The following SNTG1 variants were observed in gnomAD, a reference collection of about 807,000 sequenced individuals.
SNTG1 encodes syntrophin gamma 1, also known as gamma-1-syntrophin.
Under a neutral mutation model 74.7 loss-of-function variants are expected in SNTG1, and 39 were observed. The observed-to-expected ratio is 0.52, with a 90% CI of 0.40 to 0.68. SNTG1 has a LOEUF of 0.68. Ranked by LOEUF, SNTG1 falls within the 30% of genes least tolerant of loss-of-function variation. SNTG1 has a pLI of 0.00. For synonymous variants in SNTG1, 254 were observed against 217.1 expected (o/e 1.17, Z -1.49); for missense variants, 685 against 609.5 (o/e 1.12, Z -1.30).
chr8:50,287,559 A>T (rs1158369368), intron 2 of SNTG1, among the ~76,000 whole-genome samples: 1 of 152,118 alleles, frequency 6.6e-6, no homozygotes, highest in Non-Finnish European at 1.5e-5. Context: ...TGATGCCCAA[A>T]TCCTTTAGCA....
At chr8:50,646,494 G>A (rs563183493) in intron 13 of SNTG1, among the ~76,000 whole-genome samples, 10 of 152,170 alleles carry the variant, frequency 6.6e-5, no homozygotes, top group Non-Finnish European at 1.3e-4. Flanking sequence ...ATAAATTTGT[G>A]GGTTTGTTTT....
chr8:50,660,395 A>AAG (rs2095214312), intron 15 of SNTG1, among the ~76,000 whole-genome samples: 2 of 62,110 alleles, frequency 3.2e-5, no homozygotes, highest in South Asian at 5.8e-4. Context: ...GGAAGGAAGA[A>AAG]AAAGAGAAAG....
chr8:50,544,287 C>G (rs564461580), intron 11 of SNTG1, among the ~76,000 whole-genome samples: 16 of 151,768 alleles, frequency 1.1e-4, no homozygotes, highest in African/African-American at 3.9e-4. Flanking sequence ...CTTTAAGACC[C>G]CTTAATTCCT....
intron 2 of SNTG1, among the ~76,000 whole-genome samples, chr8:50,332,448 T>A (rs558820585): frequency 2.0e-5 from 3 of 151,162 alleles, no homozygotes; most frequent in Non-Finnish European, 4.4e-5. Context: ...AGCCTTGTTT[T>A]TTTTTTTAAA....
intron 2 of SNTG1, among the ~76,000 whole-genome samples, chr8:50,224,539 G>A (rs752508102): frequency 3.3e-5 from 5 of 152,190 alleles, no homozygotes; most frequent in Admixed American, 2.0e-4. Context: ...TCCTCTATCC[G>A]TAAAACAAGA....
At chr8:50,138,989 A>G (rs1488840785) in intron 1 of SNTG1, among the ~76,000 whole-genome samples, 3 of 152,184 alleles carry the variant, frequency 2.0e-5, no homozygotes, top group African/African-American at 7.2e-5. Context: ...ACAGAAAAAC[A>G]GTGGGAAATA....
intron 8 of SNTG1, among the ~76,000 whole-genome samples, chr8:50,486,816 A>G (rs1345649038): frequency 6.6e-6 from 1 of 151,934 alleles, no homozygotes; most frequent in African/African-American, 2.4e-5. Context: ...TTATTTTGAA[A>G]TATGTCCCAT....
At chr8:50,472,778 A>G (rs2093663369) in intron 8 of SNTG1, among the ~76,000 whole-genome samples, 1 of 152,152 alleles carries the variant, frequency 6.6e-6, no homozygotes, top group Non-Finnish European at 1.5e-5. Context: ...ATATCTGATA[A>G]GAAGTTAATA....
At chr8:50,101,830 T>C in intron 1 of SNTG1, among the ~76,000 whole-genome samples, 1 of 152,102 alleles carries the variant, frequency 6.6e-6, no homozygotes, top group Admixed American at 6.6e-5. Context: ...GTCCTTGCGA[T>C]AGTTTACTGA....
chr8:50,443,797 G>T (rs1466382667), intron 5 of SNTG1, among the ~76,000 whole-genome samples: 1 of 152,120 alleles, frequency 6.6e-6, no homozygotes, highest in African/African-American at 2.4e-5. Flanking sequence ...CAGGGACATA[G>T]ATCATGTTTC....
intron 1 of SNTG1, among the ~76,000 whole-genome samples, chr8:50,035,183 G>A (rs1752377161): frequency 6.6e-6 from 1 of 152,154 alleles, no homozygotes; most frequent in South Asian, 2.1e-4. Flanking sequence ...TTCTAAGGAG[G>A]CTGAGCTTTT....
chr8:49,948,547 C>T (rs1809414546), intron 1 of SNTG1, among the ~76,000 whole-genome samples: 1 of 152,190 alleles, frequency 6.6e-6, no homozygotes, highest in Non-Finnish European at 1.5e-5. Context: ...TGAACAATTA[C>T]TATCCTCTTC....
At chr8:50,569,053 GTTC>G (rs2094532209) in intron 12 of SNTG1, 1 of 152,156 alleles carries the variant, frequency 6.6e-6, no homozygotes, top group Non-Finnish European at 1.5e-5. Flanking sequence ...CCTTTTGGTA[GTTC>G]TTCTCATTCT....
chr8:50,312,912 A>G (rs941978568), intron 2 of SNTG1, among the ~76,000 whole-genome samples: 1 of 150,142 alleles, frequency 6.7e-6, no homozygotes, highest in East Asian at 2.0e-4. Context: ...TTAAAGTTTA[A>G]CAATCATGTG....
intron 1 of SNTG1, among the ~76,000 whole-genome samples, chr8:49,948,014 C>G (rs1255840251): frequency 6.6e-6 from 1 of 151,902 alleles, no homozygotes; most frequent in African/African-American, 2.4e-5. Context: ...GCCTATAATC[C>G]CAGTTACTCA....
intron 13 of SNTG1, among the ~76,000 whole-genome samples, chr8:50,610,365 A>C (rs2094841643): frequency 6.6e-6 from 1 of 152,176 alleles, no homozygotes; most frequent in South Asian, 2.1e-4. Context: ...AAGTGCAGCC[A>C]GTTCTCAAGT....
intron 17 of SNTG1, among the ~76,000 whole-genome samples, chr8:50,750,384 TAAC>T (rs776310795): frequency 3.9e-5 from 6 of 152,054 alleles, no homozygotes; most frequent in African/African-American, 7.2e-5. Flanking sequence ...GTTGAAATGA[TAAC>T]AAAATATTTA....
chr8:49,969,614 GT>G (rs1266800589), intron 1 of SNTG1, among the ~76,000 whole-genome samples: 2 of 151,710 alleles, frequency 1.3e-5, no homozygotes, highest in African/African-American at 2.4e-5. Flanking sequence ...TCAGGCTGGT[GT>G]CAACCTCCTG....
intron 1 of SNTG1, among the ~76,000 whole-genome samples, chr8:49,920,213 T>C (rs941682980): frequency 1.3e-5 from 2 of 152,020 alleles, no homozygotes; most frequent in Non-Finnish European, 2.9e-5. Flanking sequence ...ATAAATGCAT[T>C]TGGGAAAATG....
Sources: gnomAD v4.1 joint callset for allele counts (sites outside exome capture counted in the v4.1 genomes callset) on GRCh38, gnomAD v4.1.1 for gene constraint, MANE v1.5 for transcripts, NCBI Gene and HGNC (gene_info 2026-07-23, HGNC 2026-07-21) for gene names.